The following PTPRD variants were observed in gnomAD, a reference collection of about 807,000 sequenced individuals.
The protein encoded by PTPRD is receptor-type tyrosine-protein phosphatase delta.
A neutral mutation model predicts 214.5 loss-of-function variants in PTPRD; 34 were observed. The observed-to-expected ratio is 0.16, with a 90% CI of 0.12 to 0.21. The LOEUF (loss-of-function observed/expected upper bound fraction) is 0.21. PTPRD is among the 10% of genes least tolerant of loss of function. PTPRD has a pLI of 1.00. For missense variants in PTPRD, 2,545 were observed against 2,398.7 expected, an observed-to-expected ratio of 1.06 and a Z score of -1.27; for synonymous variants, 1,128 against 845.7, an observed-to-expected ratio of 1.33 and a Z score of -5.79.
chr9:8,359,054 G>A (rs1397344914), intron 39 of PTPRD, among the ~76,000 whole-genome samples: 1 of 127,490 alleles, frequency 7.8e-6, no homozygotes, highest in Non-Finnish European at 1.6e-5. Context: ...CTTGCAGTGA[G>A]CCGAGATTGC....
rs543316821 is a variant in PTPRD, at chr9:9,028,898, T to TA, written c.-142-10164dup. 7.3e-5 allele frequency among the ~76,000 whole-genome samples: 11 copies of TA among 150,930 alleles called. 1 individual carries two copies. In the South Asian group the frequency reaches 1.3e-3, roughly 17 times the overall value. On this transcript the variant is annotated intron_variant, in intron 10 of 45. Transcript: ENST00000381196. Reference sequence around the variant, plus strand: ...TTAATTACGATCGAAGGAGAACAGATAAAAAAAAGTAGAAGCATAAGCAAG... The same window carrying TA: ...TTAATTACGATCGAAGGAGAACAGATAAAAAAAAAGTAGAAGCATAAGCAAG...
At chr9:8,622,825 C>T (rs2095863454) in intron 14 of PTPRD, among the ~76,000 whole-genome samples, 1 of 151,876 alleles carries the variant, frequency 6.6e-6, no homozygotes. Context: ...TTTCCTAAAA[C>T]TTGTCATTCA....
chr9:8,873,823 A>T (rs1265401174), intron 11 of PTPRD, among the ~76,000 whole-genome samples: 1 of 152,170 alleles, frequency 6.6e-6, no homozygotes, highest in Admixed American at 6.5e-5. Context: ...GGGAGGTAAG[A>T]CACCAAATAG....
intron 9 of PTPRD, among the ~76,000 whole-genome samples, chr9:9,362,604 A>T (rs866458288): frequency 1.3e-4 from 19 of 151,296 alleles, no homozygotes; most frequent in Middle Eastern, 3.4e-3. Flanking sequence ...AAAAAAGGGC[A>T]TACTCTCTGT....
intron 10 of PTPRD, among the ~76,000 whole-genome samples, chr9:9,121,484 C>A (rs1279233235): frequency 1.3e-5 from 2 of 152,146 alleles, no homozygotes; most frequent in Non-Finnish European, 2.9e-5. Flanking sequence ...TAGAATACTA[C>A]TCAGCCATAC....
At chr9:8,836,394 G>A (rs530603559) in intron 11 of PTPRD, among the ~76,000 whole-genome samples, 53 of 151,870 alleles carry the variant, frequency 3.5e-4, no homozygotes, top group African/African-American at 1.2e-3. Context: ...TACTCTTCTT[G>A]GATTGTTTTC....
At chr9:10,581,695 G>T (rs1187530194) in intron 2 of PTPRD, among the ~76,000 whole-genome samples, 2 of 152,130 alleles carry the variant, frequency 1.3e-5, no homozygotes, top group African/African-American at 2.4e-5. Context: ...TGTGTTAATT[G>T]GGTAAATCAC....
chr9:8,475,597 C>A (rs1286977614), intron 30 of PTPRD, among the ~76,000 whole-genome samples: 1 of 152,120 alleles, frequency 6.6e-6, no homozygotes, highest in Non-Finnish European at 1.5e-5. Context: ...TACAAAAGTA[C>A]CCCCAATTTA....
chr9:9,947,435 ATTATAT>A (rs2092810111), intron 4 of PTPRD, among the ~76,000 whole-genome samples: 1 of 31,300 alleles, frequency 3.2e-5, no homozygotes, highest in Non-Finnish European at 4.3e-5. Context: ...TTATATATAT[ATTATAT>A]ATTTTATATA....
Position 10,443,317 on chromosome 9 carries a change from T to C in PTPRD, c.-599-102300A>G, listed in dbSNP as rs954507615. 6.6e-5 allele frequency among the ~76,000 whole-genome samples: 10 copies of C among 151,754 alleles called. No homozygotes were observed. The East Asian group carries it at 9.7e-4, about 15-fold the overall frequency. On this transcript the variant is annotated intron_variant, in intron 2 of 45. Coordinates refer to ENST00000381196, the MANE Select transcript of PTPRD (RefSeq NM_002839.4). ...AAGTAATGTCTGATGATAAATTGGG[T>C]TTATGGTGAGCCGCTACATTCAATC...
chr9:9,994,131 C>T (rs2096045767), intron 4 of PTPRD, among the ~76,000 whole-genome samples: 1 of 152,132 alleles, frequency 6.6e-6, no homozygotes, highest in South Asian at 2.1e-4. Flanking sequence ...GAGCTTGAAA[C>T]CAGGAAGTCT....
Position 9,784,406 on chromosome 9 carries a change from C to G in PTPRD, c.-367-17555G>C, listed in dbSNP as rs113351921. On this transcript the variant is annotated intron_variant, in intron 5 of 45. Transcript: ENST00000381196. The stretch of plus-strand genomic sequence containing the variant: ...TTATTTACAATAAATAAGCTTTCAA[C>G]CACAGCATCCACAATTATACTGAAG... Among the ~76,000 whole-genome samples the G allele has an allele frequency of 1.4e-3, 211 of 152,106 alleles. 2 individuals are homozygous for G. Among genetic ancestry groups the G allele is most frequent in the African/African-American group, 4.9e-3 (202 of 41,540 alleles).
At chr9:10,287,928 A>C (rs1383963169) in intron 3 of PTPRD, among the ~76,000 whole-genome samples, 1 of 152,048 alleles carries the variant, frequency 6.6e-6, no homozygotes. Flanking sequence ...TCCAACCCCT[A>C]ATTTTTATTT....
chr9:9,526,688 T>A (rs1382475894), intron 8 of PTPRD, among the ~76,000 whole-genome samples: 2 of 152,184 alleles, frequency 1.3e-5, no homozygotes, highest in African/African-American at 4.8e-5. Context: ...TACTTTTATC[T>A]GAAATATGCT....
At chr9:10,516,357 C>G (rs567464608) in intron 2 of PTPRD, among the ~76,000 whole-genome samples, 1 of 151,792 alleles carries the variant, frequency 6.6e-6, no homozygotes, top group African/African-American at 2.4e-5. Context: ...ATCTGTTAGC[C>G]ATTTTTATGT....
intron 2 of PTPRD, among the ~76,000 whole-genome samples, chr9:10,422,046 C>A (rs761404933): frequency 2.6e-5 from 4 of 151,938 alleles, no homozygotes; most frequent in Middle Eastern, 3.2e-3. Context: ...CATCACGCTA[C>A]CTGACTTCAA....
At chr9:8,985,580 G>T (rs1368679) in intron 11 of PTPRD, among the ~76,000 whole-genome samples, 2 of 151,502 alleles carry the variant, frequency 1.3e-5, no homozygotes, top group South Asian at 4.2e-4. Context: ...GATTATACAC[G>T]CAGGGATAGT....
intron 11 of PTPRD, among the ~76,000 whole-genome samples, chr9:8,746,818 A>AC (rs111303857): frequency 0.071 from 10,775 of 152,150 alleles, 1,007 homozygotes; most frequent in African/African-American, 0.22. Flanking sequence ...ACATAACAAG[A>AC]CCCCATCTCT....
chr9:9,988,225 T>A (rs1204919042), intron 4 of PTPRD, among the ~76,000 whole-genome samples: 1 of 152,196 alleles, frequency 6.6e-6, no homozygotes, highest in Non-Finnish European at 1.5e-5. Flanking sequence ...AGCAAAACTT[T>A]TCAAAAATAT....
Sources: gnomAD v4.1 joint callset for allele counts (sites outside exome capture counted in the v4.1 genomes callset) on GRCh38, gnomAD v4.1.1 for gene constraint, MANE v1.5 for transcripts, NCBI Gene and HGNC (gene_info 2026-07-23, HGNC 2026-07-21) for gene names.